The following UCKL1 variants were observed in gnomAD, a reference collection of about 807,000 sequenced individuals.
The protein encoded by UCKL1 is uridine-cytidine kinase-like 1.
Under a neutral mutation model 59.2 loss-of-function variants are expected in UCKL1, and 65 were observed. The observed-to-expected ratio is 1.10, with a 90% CI of 0.90 to 1.35. The LOEUF (loss-of-function observed/expected upper bound fraction) is 1.35. UCKL1 is among the 40% of genes most tolerant of loss of function. The probability of loss-of-function intolerance (pLI) is 0.00; values close to 1 mark genes in which losing one functional copy is unlikely to be tolerated. For missense variants in UCKL1, 703 were observed against 784.3 expected, an observed-to-expected ratio of 0.90 and a Z score of 1.24; for synonymous variants, 410 against 323.1, an observed-to-expected ratio of 1.27 and a Z score of -2.88.
At chr20:63,952,172 C>T (rs1016572335) in intron 1 of UCKL1, among the ~76,000 whole-genome samples, 2 of 152,158 alleles carry the variant, frequency 1.3e-5, no homozygotes, top group Non-Finnish European at 2.9e-5. Flanking sequence ...AGCCCAGGGT[C>T]GGGGAGGCGG....
chr20:63,955,896 A>C, intron 1 of UCKL1: 2 of 170,506 alleles, frequency 1.2e-5, no homozygotes, highest in Non-Finnish European at 1.3e-5. Context: ...CGGGTCGGGC[A>C]GGGCCACACC....
chr20:63,956,314 G>C lies in UCKL1; in HGVS notation c.59C>G (p.Ala20Gly). The C allele has an allele frequency of 6.4e-7, 1 of 1,557,048 alleles. No homozygotes were observed. Among genetic ancestry groups the C allele is most frequent in the Non-Finnish European group, 8.7e-7 (1 of 1,155,670 alleles). ...AGCCTGCCGGCCTGGTGTGTCTCGG[G>C]CCGTAGGTGGCGACGTGGGCGAAGG... is the stretch of plus-strand genomic sequence containing the variant. Reference protein sequence around the residue: ...ADPSPTSPPTARDTPGRQAEK... With the variant: ...ADPSPTSPPTGRDTPGRQAEK... The change falls in exon 1 of 15, where the codon GCC (alanine) becomes GGC (glycine). Residue 20 changes from alanine (A) to glycine (G), a missense_variant. This residue lies in a region of UCKL1 where 398 missense variants were observed against 373.0 expected (regional missense o/e 1.07). Transcript: ENST00000354216.
rs1433350470 is a variant in UCKL1, at chr20:63,939,997, C to T, written c.1626G>A (p.Glu542=). 2 of 1,612,462 alleles carry T rather than the reference C, an allele frequency of 1.2e-6. No homozygotes were observed. The highest frequency in any genetic ancestry group is 1.7e-6 in the Non-Finnish European group (2 of 1,179,894). Reference sequence around the variant, plus strand: ...GCAGCTAACCCGTGTAGGCCACTTCCTCCTCGTCACTGCCATCGGGGACCG... The same window carrying T: ...GCAGCTAACCCGTGTAGGCCACTTCTTCCTCGTCACTGCCATCGGGGACCG... ...TDAVPDGSDE[E]EVAYTG The change falls in exon 15 of 15, where the codon GAG becomes GAA. Residue 542 remains glutamate, a synonymous_variant. Coordinates refer to ENST00000354216, the MANE Select transcript of UCKL1 (RefSeq NM_017859.4).
intron 1 of UCKL1, among the ~76,000 whole-genome samples, chr20:63,949,365 C>T (rs551896542): frequency 3.3e-5 from 5 of 152,286 alleles, no homozygotes; most frequent in Non-Finnish European, 5.9e-5. Context: ...AGACCGCATG[C>T]GGGGGCTGCA....
intron 1 of UCKL1, among the ~76,000 whole-genome samples, chr20:63,953,173 C>A (rs2427574): frequency 0.38 from 57,922 of 151,908 alleles, 11,655 homozygotes; most frequent in African/African-American, 0.46. Flanking sequence ...TGAGGTTGGG[C>A]GTTTGAGACC....
Position 63,941,459 on chromosome 20 carries a change from T to A in UCKL1, c.924-251A>T, listed in dbSNP as rs1382041862. 9.0e-6 allele frequency: 5 copies of A among 558,172 alleles called. No homozygotes were observed. The South Asian group carries it at 1.0e-4, about 12-fold the overall frequency. 34.6% of individuals were successfully genotyped at this position (558,172 alleles called of 1,614,324 possible). On this transcript the variant is annotated intron_variant, in intron 8 of 14. Transcript: ENST00000354216. ...ACCATCAGGCAGAAAGCTAGCGGGG[T>A]AGGCTGTGAGGGCCCCTCCCAGTGC... is the stretch of plus-strand genomic sequence containing the variant.
chr20:63,940,426 G>A lies in UCKL1; in HGVS notation c.1362C>T (p.Cys454=), dbSNP rs2054059456. ...TGGCCGCCGCGCCCGTGGACACGGTGCAGTCCATGAGGATCACGTGGTCAT... is the reference window on the plus strand; with the variant it reads ...TGGCCGCCGCGCCCGTGGACACGGTACAGTCCATGAGGATCACGTGGTCAT... ...ISDDHVILMD[C]TVSTGAAAMM... The change falls in exon 13 of 15, where the codon TGC becomes TGT. Residue 454 remains cysteine (C), a synonymous_variant. Transcript: ENST00000354216. 1.2e-6 allele frequency: 2 copies of A among 1,612,196 alleles called. No individual in the cohort carries two copies. The highest frequency in any genetic ancestry group is 8.5e-7 in the Non-Finnish European group (1 of 1,179,706).
At chr20:63,941,313 G>A in intron 8 of UCKL1, 105 bp from the exon 9 acceptor site, 1 of 1,443,956 alleles carries the variant, frequency 6.9e-7, no homozygotes, top group Non-Finnish European at 9.2e-7. Flanking sequence ...ACACGGGCCA[G>A]GCACAGCACG....
At position 63,956,281 on chromosome 20, in the gene UCKL1, C is replaced by T; in HGVS notation, c.92G>A (p.Ser31Asn). Residue 31 changes from serine to asparagine, a missense_variant, in exon 1 of 15, where the codon AGC becomes AAC. Around this residue, in one of 4 missense-constraint regions of UCKL1, gnomAD observed 398 missense variants for 373.0 expected, o/e 1.07. Coordinates refer to ENST00000354216, the MANE Select transcript of UCKL1 (RefSeq NM_017859.4). ...CTACCGGTCCTCGCACGCGGTCTCG[C>T]TTTTCTCAGCCTGCCGGCCTGGTGT... ...RDTPGRQAEKSETACEDRSNA... is the reference protein window; with the variant it reads ...RDTPGRQAEKNETACEDRSNA... 2 of 1,557,988 alleles carry T rather than the reference C, an allele frequency of 1.3e-6. No homozygotes were observed. Among genetic ancestry groups the T allele is most frequent in the Non-Finnish European group, 1.7e-6 (2 of 1,156,724 alleles).
intron 1 of UCKL1, among the ~76,000 whole-genome samples, chr20:63,949,144 G>A (rs2057160535): frequency 6.6e-6 from 1 of 152,180 alleles, no homozygotes; most frequent in Admixed American, 6.5e-5. Flanking sequence ...CCACCATCAG[G>A]GGAGTGAGCA....
chr20:63,952,263 C>T (rs540453782), intron 1 of UCKL1, among the ~76,000 whole-genome samples: 37 of 152,322 alleles, frequency 2.4e-4, no homozygotes, highest in African/African-American at 8.7e-4. Flanking sequence ...GCAGAGTGGA[C>T]GCAGACTGGT....
rs202090400 is a variant in UCKL1 at position 63,946,140 on chromosome 20, G to A, written c.411+21C>T. On this transcript the variant is annotated intron_variant, in intron 3 of 14. Transcript: ENST00000354216. ...AGGGAGAGGACAAAGGGGTCCTCGGGGGAGCTGGGCGGGGGCCCACCTTGT... is the reference window on the plus strand; with the variant it reads ...AGGGAGAGGACAAAGGGGTCCTCGGAGGAGCTGGGCGGGGGCCCACCTTGT... The A allele has an allele frequency of 2.6e-5, 42 of 1,610,786 alleles. 2 individuals carry two copies. In the Admixed American group the frequency reaches 5.2e-4, roughly 20 times the overall value.
At chr20:63,952,918 C>T (rs1044268793) in intron 1 of UCKL1, among the ~76,000 whole-genome samples, 2 of 152,240 alleles carry the variant, frequency 1.3e-5, no homozygotes, top group South Asian at 2.1e-4. Context: ...GATGCCTCAT[C>T]GGTGATCAGG....
intron 1 of UCKL1, chr20:63,955,808 C>G (rs991813100): frequency 6.5e-6 from 1 of 152,902 alleles, no homozygotes; most frequent in African/African-American, 2.4e-5. Context: ...CGCAGAGGCT[C>G]GAAGGTGCCA....
At chr20:63,947,017 G>A (rs1321140013) in intron 1 of UCKL1, among the ~76,000 whole-genome samples, 2 of 151,966 alleles carry the variant, frequency 1.3e-5, no homozygotes, top group African/African-American at 4.8e-5. Context: ...CCGGGAGGTG[G>A]AGATTGCAAT....
chr20:63,943,814 C>T (rs1033685924), intron 7 of UCKL1, 145 bp from the exon 8 acceptor site: 4 of 1,179,542 alleles, frequency 3.4e-6, no homozygotes, highest in Admixed American at 1.9e-5. Context: ...GCTTCTAATG[C>T]CTGTAACCTG....
At chr20:63,945,543 C>T in intron 5 of UCKL1, 108 bp downstream of exon 5, 1 of 1,188,026 alleles carries the variant, frequency 8.4e-7, no homozygotes, top group Non-Finnish European at 1.2e-6. Flanking sequence ...TGGCCTAGGC[C>T]TATACAGTGT....
At chr20:63,942,528 A>C in intron 8 of UCKL1, 1 of 1,151,638 alleles carries the variant, frequency 8.7e-7, no homozygotes, top group Non-Finnish European at 1.1e-6. Flanking sequence ...GGAGGGAACA[A>C]GGCAGGAAAC....
At chr20:63,948,580 T>TAGGGGC (rs2056916110) in intron 1 of UCKL1, 2 of 12,604 alleles carry the variant, frequency 1.6e-4, no homozygotes, top group Admixed American at 9.5e-4. Flanking sequence ...AGGGAGGGGA[T>TAGGGGC]GTGTGTGAGA....
Sources: gnomAD v4.1 joint callset for allele counts (sites outside exome capture counted in the v4.1 genomes callset) on GRCh38, gnomAD v4.1.1 for gene constraint, gnomAD v4.1.1 regional missense constraint, MANE v1.5 for transcripts, NCBI Gene and HGNC (gene_info 2026-07-23, HGNC 2026-07-21) for gene names.